CHST9: variants seen among roughly 807,000 people sequenced by gnomAD.
CHST9 encodes GalNAc-4-sulfotransferase 2.
A neutral mutation model predicts 44.4 loss-of-function variants in CHST9; 41 were observed. The ratio of observed to expected loss-of-function variants is 0.92; its 90% CI spans 0.72 to 1.20. CHST9 has a LOEUF of 1.20. Among genes scored for constraint, CHST9 ranks in the 50% most tolerant of loss-of-function variants. CHST9 has a pLI of 0.00. For synonymous variants in CHST9, 171 were observed against 178.4 expected (o/e 0.96, Z 0.33); for missense variants, 504 against 516.5 (o/e 0.98, Z 0.23).
In CHST9 at chr18:27,053,275, A is replaced by AAGAAGAG. The variant is rs1568151279; in HGVS notation, c.122-4773_122-4772insCTCTTCT. On this transcript the variant is annotated intron_variant, in intron 2 of 5. Coordinates refer to ENST00000618847, the MANE Select transcript of CHST9 (RefSeq NM_031422.6). ...AAGAAGAAGAAGGAGAAGGAGAAGG[A>AAGAAGAG]GAAGGAGAAGGAGAAGGAGAAGGAG... is the stretch of plus-strand genomic sequence containing the variant. 4.5e-4 allele frequency among the ~76,000 whole-genome samples: 57 copies of AAGAAGAG among 125,720 alleles called. 2 individuals carry two copies. The highest frequency in any genetic ancestry group is 1.6e-3 in the Admixed American group (20 of 12,698). 82.5% of individuals were successfully genotyped at this position (125,720 alleles called of 152,430 possible).
chr18:27,138,144 G>C (rs559447541), intron 2 of CHST9, among the ~76,000 whole-genome samples: 14 of 152,148 alleles, frequency 9.2e-5, no homozygotes, highest in Admixed American at 3.9e-4. Flanking sequence ...TGTCACAAAG[G>C]ACTCCTCCTT....
Position 27,085,741 on chromosome 18 carries a change from C to T in CHST9, c.122-37238G>A, listed in dbSNP as rs115808721. Among the ~76,000 whole-genome samples, 420 of 152,170 alleles carry T rather than the reference C, an allele frequency of 2.8e-3. 2 individuals carry two copies. Among genetic ancestry groups the T allele is most frequent in the African/African-American group, 9.8e-3 (407 of 41,514 alleles). ...CTCAAAAAACTTAAAACAGAACTACCATTTGACCCAGCATTTCAGTTAATA... is the reference window on the plus strand; with the variant it reads ...CTCAAAAAACTTAAAACAGAACTACTATTTGACCCAGCATTTCAGTTAATA... On this transcript the variant is annotated intron_variant, in intron 2 of 5. Transcript: ENST00000618847.
At chr18:26,954,476 G>A (rs1450488134) in intron 4 of CHST9, among the ~76,000 whole-genome samples, 1 of 151,922 alleles carries the variant, frequency 6.6e-6, no homozygotes, top group Non-Finnish European at 1.5e-5. Context: ...TCATCTTGTA[G>A]GCCTTGCACC....
intron 3 of CHST9, among the ~76,000 whole-genome samples, chr18:27,027,930 T>C (rs2057300205): frequency 6.6e-6 from 1 of 152,180 alleles, no homozygotes; most frequent in Non-Finnish European, 1.5e-5. Context: ...GACAGAGTCT[T>C]GCTCTGTTGC....
chr18:26,926,477 T>C (rs1362975313), intron 5 of CHST9, among the ~76,000 whole-genome samples: 1 of 152,236 alleles, frequency 6.6e-6, no homozygotes, highest in Non-Finnish European at 1.5e-5. Flanking sequence ...TGTATATAAG[T>C]AGATAAGGCT....
At chr18:27,123,515 C>A (rs185269420) in intron 2 of CHST9, among the ~76,000 whole-genome samples, 2 of 152,124 alleles carry the variant, frequency 1.3e-5, no homozygotes, top group Admixed American at 6.5e-5. Context: ...TAAAGATAGA[C>A]CATCATGCTG....
chr18:27,106,872 T>A (rs967690571), intron 2 of CHST9, among the ~76,000 whole-genome samples: 4 of 152,208 alleles, frequency 2.6e-5, no homozygotes, highest in African/African-American at 9.7e-5. Context: ...CCTAGATCTT[T>A]TTCATCAATA....
chr18:27,118,636 C>T (rs2058349102), intron 2 of CHST9, among the ~76,000 whole-genome samples: 1 of 152,166 alleles, frequency 6.6e-6, no homozygotes, highest in African/African-American at 2.4e-5. Flanking sequence ...TACCAATGAC[C>T]CTAAGGTCTG....
At chr18:27,037,022 A>G (rs928753285) in intron 3 of CHST9, among the ~76,000 whole-genome samples, 1 of 152,170 alleles carries the variant, frequency 6.6e-6, no homozygotes, top group Admixed American at 6.5e-5. Context: ...GAACATCTAC[A>G]TGCTTATTGG....
chr18:26,953,889 G>A (rs1025577198), intron 4 of CHST9, among the ~76,000 whole-genome samples: 5 of 152,148 alleles, frequency 3.3e-5, no homozygotes, highest in African/African-American at 9.7e-5. Flanking sequence ...GACCACTTCT[G>A]TAGGGGTGCT....
chr18:27,135,953 A>T (rs1409173928), intron 2 of CHST9, among the ~76,000 whole-genome samples: 3 of 152,200 alleles, frequency 2.0e-5, no homozygotes, highest in Non-Finnish European at 2.9e-5. Context: ...TTTTGGGTAC[A>T]GAGACTCTGG....
At chr18:27,027,210 T>C (rs1182464327) in intron 3 of CHST9, among the ~76,000 whole-genome samples, 2 of 152,192 alleles carry the variant, frequency 1.3e-5, no homozygotes, top group East Asian at 3.9e-4. Context: ...ATCATCCTTA[T>C]CTAACTGAGA....
intron 2 of CHST9, among the ~76,000 whole-genome samples, chr18:27,137,310 G>A (rs1205850637): frequency 0.24 from 2,599 of 10,732 alleles, 77 homozygotes; most frequent in East Asian, 0.4. Context: ...ATATATGTGT[G>A]TGTGTGTGTG....
chr18:27,183,861 T>C (rs1424508224), intron 1 of CHST9, among the ~76,000 whole-genome samples: 3 of 152,096 alleles, frequency 2.0e-5, no homozygotes, highest in African/African-American at 7.2e-5. Flanking sequence ...GGCAGGCATA[T>C]GGTGTTATGA....
intron 4 of CHST9, among the ~76,000 whole-genome samples, chr18:27,011,435 C>A (rs2057083388): frequency 6.6e-6 from 1 of 151,976 alleles, no homozygotes; most frequent in Non-Finnish European, 1.5e-5. Context: ...AGAGCCAGGG[C>A]CCCATGAAGA....
At chr18:27,044,320 T>C (rs2057475948) in intron 3 of CHST9, among the ~76,000 whole-genome samples, 1 of 151,970 alleles carries the variant, frequency 6.6e-6, no homozygotes, top group Admixed American at 6.6e-5. Context: ...TCCTGGACCA[T>C]TAAAATATTT....
Position 26,917,048 on chromosome 18 carries a change from G to T in CHST9, c.543C>A (p.Phe181Leu), listed in dbSNP as rs2055543984. 8 of 1,613,888 alleles carry T rather than the reference G, an allele frequency of 5.0e-6. No individual in the cohort carries two copies. Among genetic ancestry groups the T allele is most frequent in the Non-Finnish European group, 6.8e-6 (8 of 1,179,862 alleles). Residue 181 changes from phenylalanine to leucine, a missense_variant, in exon 6 of 6, where the codon TTC becomes TTA. Transcript: ENST00000618847. The stretch of plus-strand genomic sequence containing the variant: ...CGTATTTCTTGCAAAACTCCTGAAG[G>T]AAAGACCTTCGTTTCTCTTGGGTCT... ...TEETQEKRRS[F>L]LQEFCKKYGG...
At chr18:27,094,226 T>C (rs185922378) in intron 2 of CHST9, among the ~76,000 whole-genome samples, 25 of 152,304 alleles carry the variant, frequency 1.6e-4, no homozygotes, top group African/African-American at 5.5e-4. Flanking sequence ...TTGATCAAAC[T>C]GTAACACCTT....
intron 3 of CHST9, among the ~76,000 whole-genome samples, chr18:27,031,923 C>A (rs2057345198): frequency 6.6e-6 from 1 of 152,184 alleles, no homozygotes; most frequent in Non-Finnish European, 1.5e-5. Flanking sequence ...CAGGCCAAGC[C>A]CTTTATATAT....
Sources: gnomAD v4.1 joint callset for allele counts (sites outside exome capture counted in the v4.1 genomes callset) on GRCh38, gnomAD v4.1.1 for gene constraint, MANE v1.5 for transcripts, NCBI Gene and HGNC (gene_info 2026-07-23, HGNC 2026-07-21) for gene names.